MID1: variants seen among roughly 807,000 people sequenced by gnomAD.
MID1 encodes E3 ubiquitin-protein ligase Midline-1.
Under a neutral mutation model 40.4 loss-of-function variants are expected in MID1, and 7 were observed. That is an observed-to-expected ratio of 0.17 (90% CI 0.10 to 0.33). The LOEUF is 0.33. MID1 is among the 10% of genes least tolerant of loss of function. MID1 has a pLI of 1.00. For missense variants in MID1, 367 were observed against 558.5 expected (o/e 0.66, Z 3.46); for synonymous variants, 229 against 221.2 (o/e 1.04, Z -0.31).
chrX:10,605,808 G>A, intron 1 of MID1, among the ~76,000 whole-genome samples: 2 of 111,671 alleles, frequency 1.8e-5, no homozygotes, highest in Middle Eastern at 4.7e-3. Context: ...GTATTGAAGT[G>A]TTGCTTGAGT....
chrX:10,824,094 T>C lies in MID1; in HGVS notation c.-187+9460A>G, dbSNP rs894493050. The stretch of plus-strand genomic sequence containing the variant: ...AATAAACCAAATAGACAAATATATA[T>C]AAAATAGGCTGTTTTAGAGATAACA... On this transcript the variant is annotated intron_variant, in intron 1 of 10. Transcript: ENST00000380785. Among the ~76,000 whole-genome samples the C allele has an allele frequency of 5.4e-5, 6 of 111,902 alleles. No individual in the cohort carries two copies. In the Admixed American group the frequency reaches 5.7e-4, roughly 11 times the overall value.
At chrX:10,761,821 T>G (rs190134895) in intron 1 of MID1, among the ~76,000 whole-genome samples, 75 of 112,263 alleles carry the variant, frequency 6.7e-4, no homozygotes, top group African/African-American at 2.3e-3. Context: ...AGGTAACTGA[T>G]ACAGCATTAA....
intron 3 of MID1, among the ~76,000 whole-genome samples, chrX:10,510,645 A>G (rs923356087): frequency 9.2e-6 from 1 of 108,302 alleles, no homozygotes; most frequent in Non-Finnish European, 1.9e-5. Flanking sequence ...ATCCTGGCCA[A>G]CTTGGCGAAA....
chrX:10,816,882 T>C (rs904052378), intron 1 of MID1, among the ~76,000 whole-genome samples: 9 of 111,872 alleles, frequency 8.0e-5, no homozygotes, highest in African/African-American at 2.9e-4. Context: ...AAAGGGTTTG[T>C]CATGGAACAA....
intron 1 of MID1, among the ~76,000 whole-genome samples, chrX:10,641,150 G>GA (rs1470191946): frequency 1.1e-4 from 12 of 111,724 alleles, no homozygotes; most frequent in East Asian, 5.6e-4. Context: ...CAGAAGGCAA[G>GA]AAATAACTAA....
chrX:10,712,256 G>C (rs941201431), intron 1 of MID1, among the ~76,000 whole-genome samples: 23 of 110,949 alleles, frequency 2.1e-4, no homozygotes, highest in African/African-American at 7.2e-4. Flanking sequence ...AGCGGGGAAA[G>C]GGAGCCTCCC....
At chrX:10,640,679 C>T (rs1188089612) in intron 1 of MID1, among the ~76,000 whole-genome samples, 1 of 111,413 alleles carries the variant, frequency 9.0e-6, no homozygotes, top group Non-Finnish European at 1.9e-5. Context: ...TAGACATCTA[C>T]AGAACTCTCC....
At chrX:10,668,232 G>A (rs1224617049) in intron 1 of MID1, among the ~76,000 whole-genome samples, 1 of 111,866 alleles carries the variant, frequency 8.9e-6, no homozygotes, top group African/African-American at 3.2e-5. Context: ...AGGCTTATGG[G>A]TGATCATTAA....
chrX:10,705,080 C>T (rs775102816), intron 1 of MID1, among the ~76,000 whole-genome samples: 2 of 111,362 alleles, frequency 1.8e-5, no homozygotes, highest in South Asian at 7.6e-4. Context: ...AAATATGAAA[C>T]CCAAAGAATG....
intron 1 of MID1, among the ~76,000 whole-genome samples, chrX:10,585,615 C>G (rs769881628): frequency 3.0e-4 from 33 of 111,069 alleles, no homozygotes; most frequent in Non-Finnish European, 3.2e-4. Flanking sequence ...TAGGGTTACA[C>G]GTTCCTCTTT....
chrX:10,494,188 AT>A (rs1931106536), intron 4 of MID1, among the ~76,000 whole-genome samples: 1 of 112,091 alleles, frequency 8.9e-6, no homozygotes, highest in Non-Finnish European at 1.9e-5. Flanking sequence ...TGATTTCACT[AT>A]TTTTTAGATC....
intron 1 of MID1, among the ~76,000 whole-genome samples, chrX:10,764,886 C>G (rs2043709509): frequency 8.9e-6 from 1 of 111,887 alleles, no homozygotes; most frequent in Admixed American, 9.5e-5. Context: ...ACAGGAATAT[C>G]AATGGTAATA....
At chrX:10,462,757 A>C (rs1929125208) in intron 7 of MID1, among the ~76,000 whole-genome samples, 1 of 111,563 alleles carries the variant, frequency 9.0e-6, no homozygotes, top group Non-Finnish European at 1.9e-5. Context: ...CTTGTATGGC[A>C]ACTGTCATCT....
intron 1 of MID1, among the ~76,000 whole-genome samples, chrX:10,674,796 T>C (rs7065806): frequency 0.16 from 17,846 of 111,507 alleles, 2,353 homozygotes; most frequent in African/African-American, 0.44. Context: ...AAAGATAACA[T>C]CGTTTGGTTG....
chrX:10,607,546 G>A (rs1231781565), intron 1 of MID1, among the ~76,000 whole-genome samples: 1 of 112,347 alleles, frequency 8.9e-6, no homozygotes, highest in African/African-American at 3.2e-5. Flanking sequence ...GACGCCCACA[G>A]AGCCAGTGTA....
At chrX:10,591,316 C>T (rs184557090) in intron 1 of MID1, among the ~76,000 whole-genome samples, 204 of 112,394 alleles carry the variant, frequency 1.8e-3, no homozygotes, top group African/African-American at 6.2e-3. Context: ...CTCTCTTTTA[C>T]GTAGCTCCTT....
intron 7 of MID1, among the ~76,000 whole-genome samples, chrX:10,466,197 G>A: frequency 9.0e-6 from 1 of 111,398 alleles, no homozygotes; most frequent in East Asian, 2.8e-4. Context: ...CTCTTACCTT[G>A]GAATTTCTGA....
At chrX:10,497,770 C>T (rs1266186000) in intron 3 of MID1, among the ~76,000 whole-genome samples, 2 of 111,696 alleles carry the variant, frequency 1.8e-5, no homozygotes, top group African/African-American at 3.3e-5. Flanking sequence ...AGAATAAACC[C>T]GAAGAGCTAA....
chrX:10,675,802 G>A (rs1025816244), intron 1 of MID1, among the ~76,000 whole-genome samples: 1 of 111,844 alleles, frequency 8.9e-6, no homozygotes, highest in African/African-American at 3.2e-5. Flanking sequence ...GTGTGCATGA[G>A]CTGATTCTTT....
Sources: allele counts gnomAD v4.1 joint callset (sites outside exome capture counted in the v4.1 genomes callset), GRCh38; gene constraint gnomAD v4.1.1; transcripts MANE v1.5; gene names NCBI Gene and HGNC (gene_info 2026-07-23, HGNC 2026-07-21).